ZFYVE28: variants seen among roughly 807,000 people sequenced by gnomAD.
The protein encoded by ZFYVE28 is lateral signaling target protein 2 homolog.
ZFYVE28 carries 40 observed loss-of-function variants against 82.1 expected under a neutral mutation model. The ratio of observed to expected loss-of-function variants is 0.49; its 90% CI spans 0.38 to 0.63. The LOEUF (loss-of-function observed/expected upper bound fraction) is 0.63, where lower values mean the gene tolerates loss of function less well. Ranked by LOEUF, ZFYVE28 falls within the 30% of genes least tolerant of loss-of-function variation. The pLI is 0.00. For synonymous variants in ZFYVE28, 612 were observed against 546.1 expected (o/e 1.12, Z -1.68); for missense variants, 1,321 against 1,242.1 (o/e 1.06, Z -0.96).
At chr4:2,371,625 A>C (rs1190884287) in intron 1 of ZFYVE28, among the ~76,000 whole-genome samples, 1 of 152,240 alleles carries the variant, frequency 6.6e-6, no homozygotes. Context: ...TAACTCAGGC[A>C]CAGGGGCTCC....
intron 7 of ZFYVE28, among the ~76,000 whole-genome samples, chr4:2,313,731 G>A (rs1158312073): frequency 6.6e-6 from 1 of 151,940 alleles, no homozygotes; most frequent in East Asian, 1.9e-4. Flanking sequence ...CCAGGCAGTA[G>A]TGGCACGTGC....
intron 7 of ZFYVE28, chr4:2,316,476 G>C (rs1718226805): frequency 6.6e-6 from 1 of 152,426 alleles, no homozygotes; most frequent in African/African-American, 2.4e-5. Flanking sequence ...CTGAGCAGCT[G>C]GGACTACAGG....
chr4:2,304,816 T>C lies in ZFYVE28; in HGVS notation c.1524A>G (p.Thr508=), dbSNP rs1032797957. ...CCGTGGCTGAGAGCTTCATGCCCCCTGTCCGGTGGGCGATCATCTCAGCCG... is the reference window on the plus strand; with the variant it reads ...CCGTGGCTGAGAGCTTCATGCCCCCCGTCCGGTGGGCGATCATCTCAGCCG... ...AETAEMIAHR[T]GGMKLSATVI... is the part of the protein sequence containing the mutation. Residue 508 remains threonine (T), a synonymous_variant, in exon 8 of 13, where the codon ACA becomes ACG. Coordinates refer to ENST00000290974, the MANE Select transcript of ZFYVE28 (RefSeq NM_020972.3). 3.7e-6 allele frequency: 6 copies of C among 1,612,562 alleles called. No individual in the cohort carries two copies. Among genetic ancestry groups the C allele is most frequent in the Non-Finnish European group, 5.1e-6 (6 of 1,179,934 alleles).
chr4:2,271,491 G>T, intron 11 of ZFYVE28, 77 bp from the exon 12 acceptor site: 1 of 1,517,732 alleles, frequency 6.6e-7, no homozygotes. Context: ...ACCTACCCTG[G>T]GCCCTCCTTT....
chr4:2,336,747 G>T (rs1256914172), intron 5 of ZFYVE28, among the ~76,000 whole-genome samples: 1 of 134,622 alleles, frequency 7.4e-6, no homozygotes, highest in Non-Finnish European at 1.6e-5. Flanking sequence ...GTAAGGAGGT[G>T]AGGAATGATG....
At chr4:2,290,165 A>C (rs1054155827) in intron 8 of ZFYVE28, among the ~76,000 whole-genome samples, 4 of 152,142 alleles carry the variant, frequency 2.6e-5, no homozygotes, top group Admixed American at 2.6e-4. Context: ...AGATCTCCTC[A>C]GGGGACAAGG....
intron 2 of ZFYVE28, among the ~76,000 whole-genome samples, chr4:2,345,939 C>T (rs1039367681): frequency 6.6e-6 from 1 of 151,974 alleles, no homozygotes; most frequent in Non-Finnish European, 1.5e-5. Context: ...CTGTACCCAG[C>T]AAAAATATCT....
At chr4:2,391,050 C>T (rs964563059) in intron 1 of ZFYVE28, among the ~76,000 whole-genome samples, 1 of 152,364 alleles carries the variant, frequency 6.6e-6, no homozygotes, top group African/African-American at 2.4e-5. Context: ...GTCTGCAAGG[C>T]GCCAGAGACC....
rs538247280 is a variant in ZFYVE28 at position 2,270,043 on chromosome 4, G to A, written c.*682C>T. 2 of 152,514 alleles carry A rather than the reference G, an allele frequency of 1.3e-5. No homozygotes were observed. The highest frequency in any genetic ancestry group is 2.1e-4 in the South Asian group (1 of 4,826). 9.4% of individuals were successfully genotyped at this position (152,514 alleles called of 1,614,324 possible). ...CTGCCTGCGGTGTCAGTGCCTGGTC[G>A]GACCCCCATGCCATCAGCAAGGGGA... On this transcript the variant is annotated 3_prime_UTR_variant, in exon 13 of 13. Transcript: ENST00000290974.
chr4:2,350,866 G>A (rs913460280), intron 2 of ZFYVE28, among the ~76,000 whole-genome samples: 2 of 152,210 alleles, frequency 1.3e-5, no homozygotes, highest in South Asian at 2.1e-4. Flanking sequence ...CCAACTCCAC[G>A]GGACAGAAGC....
intron 7 of ZFYVE28, among the ~76,000 whole-genome samples, chr4:2,318,027 A>C (rs1374594747): frequency 6.6e-6 from 1 of 152,216 alleles, no homozygotes. Flanking sequence ...CAGGACTGGC[A>C]GGCGTGCTGC....
At position 2,320,558 on chromosome 4, in the gene ZFYVE28, G is replaced by T. The variant is rs142143923; in HGVS notation, c.702-287C>A. Among the ~76,000 whole-genome samples the T allele has an allele frequency of 6.6e-6, 1 of 152,236 alleles. No homozygotes were observed. Among genetic ancestry groups the T allele is most frequent in the African/African-American group, 2.4e-5 (1 of 41,446 alleles). On this transcript the variant is annotated intron_variant, in intron 6 of 12. Coordinates refer to ENST00000290974, the MANE Select transcript of ZFYVE28 (RefSeq NM_020972.3). The surrounding 1 kb of genome is among the most constrained non-coding windows in gnomAD (Gnocchi z 5.1). ...CAGAAAAGTGTATCTGCACACATCA[G>T]TGCTGCAATCAGATAAATTAGCCTC...
At position 2,305,218 on chromosome 4, in the gene ZFYVE28, T is replaced by C. The variant is rs781325087; in HGVS notation, c.1122A>G (p.Gly374=). The C allele has an allele frequency of 1.9e-6, 3 of 1,609,910 alleles. No individual in the cohort carries two copies. Among genetic ancestry groups the C allele is most frequent in the Non-Finnish European group, 2.5e-6 (3 of 1,177,806 alleles). Residue 374 remains glycine (G), a synonymous_variant, in exon 8 of 13, where the codon GGA becomes GGG. Coordinates refer to ENST00000290974, the MANE Select transcript of ZFYVE28 (RefSeq NM_020972.3). The part of the protein sequence containing the change: ...IACQSPAHRP[G]AEGSPGGEAS... The stretch of plus-strand genomic sequence containing the variant: ...CCTCCCCGCCTGGGCTGCCCTCCGC[T>C]CCTGGCCTGTGAGCTGGGGACTGGC...
chr4:2,343,621 T>TCACA (rs1299296567), intron 2 of ZFYVE28: 1 of 152,248 alleles, frequency 6.6e-6, no homozygotes, highest in Non-Finnish European at 1.5e-5. Context: ...CAACAGGCGG[T>TCACA]GCACAGTAAG....
At chr4:2,323,798 G>T (rs1019337019) in intron 6 of ZFYVE28, among the ~76,000 whole-genome samples, 2 of 149,234 alleles carry the variant, frequency 1.3e-5, no homozygotes, top group Non-Finnish European at 3.0e-5. Flanking sequence ...GCGGTGTTTG[G>T]TTTTTTGTTC....
intron 1 of ZFYVE28, among the ~76,000 whole-genome samples, chr4:2,384,369 C>G (rs578184950): frequency 5.3e-5 from 8 of 152,338 alleles, no homozygotes; most frequent in Admixed American, 2.0e-4. Context: ...GAAGTGACCA[C>G]CCGCCAAGGG....
In ZFYVE28 at chr4:2,409,082, C is replaced by T. The variant is rs537510275; in HGVS notation, c.39+9203G>A. Among the ~76,000 whole-genome samples, 11 of 152,148 alleles carry T rather than the reference C, an allele frequency of 7.2e-5. No individual in the cohort carries two copies. The highest frequency in any genetic ancestry group is 2.1e-4 in the South Asian group (1 of 4,816). ...ACGCGGTCTGTGACACAGCCCTGAA[C>T]GCCCCTGGCCCCCCACCCTCACATT... On this transcript the variant is annotated intron_variant, in intron 1 of 12. Coordinates refer to ENST00000290974, the MANE Select transcript of ZFYVE28 (RefSeq NM_020972.3). The surrounding 1 kb of genome is among the most constrained non-coding windows in gnomAD (Gnocchi z 4.4).
chr4:2,303,962 G>A (rs916550841), intron 8 of ZFYVE28, among the ~76,000 whole-genome samples: 7 of 152,360 alleles, frequency 4.6e-5, no homozygotes, highest in East Asian at 3.9e-4. Context: ...CACCAGGGGC[G>A]GGATGGGCCG....
chr4:2,413,992 C>T lies in ZFYVE28; in HGVS notation c.39+4293G>A, dbSNP rs115898335. Among the ~76,000 whole-genome samples the T allele has an allele frequency of 9.9e-3, 1,508 of 152,354 alleles. 26 individuals are homozygous for T. The highest frequency in any genetic ancestry group is 0.034 in the African/African-American group (1,396 of 41,578). On this transcript the variant is annotated intron_variant, in intron 1 of 12. Transcript: ENST00000290974. ...GAGCCCCAAAAGGAGGACTGGGCTG[C>T]GCCTCATCTCTGCACTTCGGGACCA...
Sources: gnomAD v4.1 joint callset for allele counts (sites outside exome capture counted in the v4.1 genomes callset) on GRCh38, gnomAD v4.1.1 for gene constraint, Gnocchi (gnomAD v3.1) non-coding constraint, MANE v1.5 for transcripts, NCBI Gene and HGNC (gene_info 2026-07-23, HGNC 2026-07-21) for gene names.